SRP54: variants seen among roughly 807,000 people sequenced by gnomAD.
SRP54 encodes signal recognition particle 54.
Under a neutral mutation model 64.8 loss-of-function variants are expected in SRP54, and 10 were observed. The ratio of observed to expected loss-of-function variants is 0.15; its 90% CI spans 0.10 to 0.26. The LOEUF (loss-of-function observed/expected upper bound fraction) is 0.26, where lower values mean the gene tolerates loss of function less well. Ranked by LOEUF, SRP54 falls within the 10% of genes least tolerant of loss-of-function variation. The pLI is 1.00. For synonymous variants in SRP54, 193 were observed against 185.6 expected (o/e 1.04, Z -0.32); for missense variants, 325 against 613.7 (o/e 0.53, Z 4.97).
rs769378168 is a variant in SRP54, at chr14:35,014,733, G to A, written c.887-11G>A. On this transcript the variant is annotated splice_polypyrimidine_tract_variant and intron_variant, in intron 10 of 15. Transcript: ENST00000216774. ...TATTAGTTGTTAATTTTTCTTTTTT[G>A]TATCTTATAGGTATGGGCGACATTG... 1 of 1,606,726 alleles carries A rather than the reference G, an allele frequency of 6.2e-7. No homozygotes were observed. The highest frequency in any genetic ancestry group is 8.5e-7 in the Non-Finnish European group (1 of 1,177,014).
At chr14:35,000,631 T>C (rs986299250) in intron 3 of SRP54, among the ~76,000 whole-genome samples, 2 of 151,776 alleles carry the variant, frequency 1.3e-5, no homozygotes, top group South Asian at 2.1e-4. Flanking sequence ...TGTAAAGATA[T>C]ATAAAATATA....
chr14:35,018,945 T>C (rs770026917), intron 12 of SRP54, 21 bp from the exon 13 acceptor site: 80 of 1,601,702 alleles, frequency 5.0e-5, no homozygotes, highest in Non-Finnish European at 6.7e-5. Context: ...ACTATTGACT[T>C]TATGTTTAAA....
chr14:35,026,519 C>T (rs1347105924), intron 14 of SRP54, among the ~76,000 whole-genome samples: 1 of 152,090 alleles, frequency 6.6e-6, no homozygotes, highest in Non-Finnish European at 1.5e-5. Context: ...CAAATGTGAC[C>T]CACCTCACCC....
In SRP54 at chr14:35,000,916, C is replaced by T; in HGVS notation, c.171-20C>T. 6.7e-7 allele frequency: 1 copy of T among 1,496,038 alleles called. No homozygotes were observed. The highest frequency in any genetic ancestry group is 1.3e-5 in the South Asian group (1 of 77,034). 92.7% of individuals were successfully genotyped at this position (1,496,038 alleles called of 1,614,324 possible). A position where few individuals can be genotyped will look rare whatever the true frequency, so the allele number is the denominator to read the frequency against. On this transcript the variant is annotated intron_variant, in intron 3 of 15. Coordinates refer to ENST00000216774, the MANE Select transcript of SRP54 (RefSeq NM_003136.4). ...CTGATTTTCTCCTCCCCACCCCAAT[C>T]ACCAACCACCATCATAAAGGTCTGC...
rs1712351 is a variant in SRP54, at chr14:35,008,579, G to A, written c.361-48G>A. On this transcript the variant is annotated intron_variant, in intron 5 of 15. Transcript: ENST00000216774. ...AAAAACAGAAAAAATTATATGTATA[G>A]TTTGTTATATTTTATGATATTATAT... 0.87 allele frequency: 1,092,370 copies of A among 1,259,812 alleles called. 475,757 individuals are homozygous for A. Among genetic ancestry groups the A allele is most frequent in the Non-Finnish European group, 0.89 (831,074 of 938,382 alleles). The allele number at this position is 1,259,812 out of a possible 1,614,324, so 78.0% of individuals were successfully genotyped here. A position where few individuals can be genotyped will look rare whatever the true frequency, so the allele number is the denominator to read the frequency against.
At chr14:35,023,991 A>T (rs1000934887) in intron 14 of SRP54, among the ~76,000 whole-genome samples, 13 of 152,086 alleles carry the variant, frequency 8.5e-5, no homozygotes, top group Non-Finnish European at 8.8e-5. Context: ...AGTAGAAGCT[A>T]AAAAAATTTT....
intron 4 of SRP54, among the ~76,000 whole-genome samples, chr14:35,002,039 A>T (rs2044181613): frequency 6.8e-6 from 1 of 146,616 alleles, no homozygotes; most frequent in Non-Finnish European, 1.5e-5. Context: ...AGTCTCTATA[A>T]AAAAAAAAAA....
At chr14:34,994,576 C>G (rs1443304889) in intron 1 of SRP54, among the ~76,000 whole-genome samples, 1 of 152,104 alleles carries the variant, frequency 6.6e-6, no homozygotes, top group Non-Finnish European at 1.5e-5. Context: ...GCTCAGTGAT[C>G]CATAAGTACA....
chr14:35,021,433 C>T (rs1208821347), intron 13 of SRP54, among the ~76,000 whole-genome samples: 1 of 152,038 alleles, frequency 6.6e-6, no homozygotes, highest in Non-Finnish European at 1.5e-5. Context: ...AGTTCGAGAC[C>T]AGCCTGGGCA....
chr14:34,986,990 T>G (rs1232999504), intron 1 of SRP54, among the ~76,000 whole-genome samples: 2 of 151,838 alleles, frequency 1.3e-5, no homozygotes, highest in African/African-American at 2.4e-5. Flanking sequence ...CCCAACACTT[T>G]GGGAGGCCAA....
chr14:35,014,276 T>TG, intron 10 of SRP54, among the ~76,000 whole-genome samples: 1 of 115,526 alleles, frequency 8.7e-6, no homozygotes, highest in Non-Finnish European at 1.8e-5. Context: ...GCCACTTAAC[T>TG]TTTTTTTTTT....
chr14:34,988,312 CT>C (rs1415468324), intron 1 of SRP54, among the ~76,000 whole-genome samples: 2 of 151,340 alleles, frequency 1.3e-5, no homozygotes, highest in Non-Finnish European at 2.9e-5. Context: ...GCCTGTAATC[CT>C]AGCACTTTGG....
chr14:35,028,863 G>A (rs1445178626), intron 15 of SRP54, among the ~76,000 whole-genome samples, 198 bp from the exon 16 acceptor site: 1 of 152,086 alleles, frequency 6.6e-6, no homozygotes, highest in Non-Finnish European at 1.5e-5. Context: ...CGTAAGATAG[G>A]CTATTCATTC....
At position 35,029,109 on chromosome 14, in the gene SRP54, C is replaced by T; in HGVS notation, c.1472C>T (p.Ala491Val). ...ATGATGAGGCAGTTTCAACAGGGTG[C>T]TGCTGGCAACATGAAAGGCATGATG... is the stretch of plus-strand genomic sequence containing the variant. ...QSMMRQFQQG[A>V]AGNMKGMMGF... Residue 491 changes from alanine (A) to valine (V), a missense_variant, in exon 16 of 16, where the codon GCT (alanine) becomes GTT (valine). Around this residue, in one of 3 missense-constraint regions of SRP54, gnomAD observed 23 missense variants for 21.7 expected, o/e 1.06. Transcript: ENST00000216774. 6.2e-7 allele frequency: 1 copy of T among 1,613,616 alleles called. No individual in the cohort carries two copies. Among genetic ancestry groups the T allele is most frequent in the Non-Finnish European group, 8.5e-7 (1 of 1,179,824 alleles).
intron 1 of SRP54, among the ~76,000 whole-genome samples, chr14:34,988,855 T>C (rs958358683): frequency 6.6e-6 from 1 of 151,910 alleles, no homozygotes; most frequent in Non-Finnish European, 1.5e-5. Flanking sequence ...AAGTCCCTGA[T>C]GTAAAATGGT....
intron 1 of SRP54, among the ~76,000 whole-genome samples, chr14:34,993,001 C>T (rs1046205371): frequency 6.6e-6 from 1 of 151,866 alleles, no homozygotes; most frequent in African/African-American, 2.4e-5. Flanking sequence ...CTGGGACTAC[C>T]GGAGTGCACC....
intron 4 of SRP54, among the ~76,000 whole-genome samples, chr14:35,001,809 C>T (rs1396922808): frequency 6.6e-6 from 1 of 152,010 alleles, no homozygotes; most frequent in Non-Finnish European, 1.5e-5. Context: ...TGCCCTGCCT[C>T]ACCTTATTGC....
At chr14:35,002,946 A>G (rs1045024314) in intron 4 of SRP54, among the ~76,000 whole-genome samples, 4 of 151,290 alleles carry the variant, frequency 2.6e-5, no homozygotes, top group African/African-American at 7.3e-5. Context: ...AGGTTTTGCC[A>G]TGTTGCCCTA....
At chr14:34,991,582 G>C (rs1451785179) in intron 1 of SRP54, among the ~76,000 whole-genome samples, 1 of 151,718 alleles carries the variant, frequency 6.6e-6, no homozygotes, top group Non-Finnish European at 1.5e-5. Context: ...AATGGCATCT[G>C]GACAAATCTG....
Sources: allele counts gnomAD v4.1 joint callset (sites outside exome capture counted in the v4.1 genomes callset), GRCh38; gene constraint gnomAD v4.1.1; regional missense constraint gnomAD v4.1.1; transcripts MANE v1.5; gene names NCBI Gene and HGNC (gene_info 2026-07-23, HGNC 2026-07-21).